TBX15: variants seen among roughly 807,000 people sequenced by gnomAD.
The protein encoded by TBX15 is T-box transcription factor 15, also known as T-box transcription factor TBX15.
TBX15 carries 18 observed loss-of-function variants against 53.9 expected under a neutral mutation model. That is an observed-to-expected ratio of 0.33 (90% CI 0.23 to 0.49). The LOEUF (loss-of-function observed/expected upper bound fraction) is 0.49, where lower values mean the gene tolerates loss of function less well. Among genes scored for constraint, TBX15 ranks in the 20% least tolerant of loss-of-function variants. The probability of loss-of-function intolerance (pLI) is 0.98; values close to 1 mark genes in which losing one functional copy is unlikely to be tolerated. For missense variants in TBX15, 692 were observed against 749.5 expected (o/e 0.92, Z 0.90); for synonymous variants, 295 against 278.0 (o/e 1.06, Z -0.61).
intron 1 of TBX15, among the ~76,000 whole-genome samples, chr1:118,959,285 T>G (rs1053041137): frequency 3.3e-5 from 5 of 152,164 alleles, no homozygotes; most frequent in Admixed American, 2.0e-4. Context: ...CAGAAAGCCT[T>G]CAGGCGAATA....
chr1:118,909,998 C>G (rs1023303757), intron 6 of TBX15, among the ~76,000 whole-genome samples: 1 of 152,168 alleles, frequency 6.6e-6, no homozygotes, highest in Non-Finnish European at 1.5e-5. Context: ...GGGCTACACT[C>G]GGATGGTTCT....
At chr1:118,958,833 G>A (rs1349039615) in intron 1 of TBX15, among the ~76,000 whole-genome samples, 1 of 152,068 alleles carries the variant, frequency 6.6e-6, no homozygotes. Context: ...TTCAAAAGAA[G>A]AAAAATATTA....
intron 5 of TBX15, among the ~76,000 whole-genome samples, chr1:118,920,845 G>A (rs1032578091): frequency 6.6e-6 from 1 of 152,180 alleles, no homozygotes; most frequent in African/African-American, 2.4e-5. Context: ...ACTGGATGTT[G>A]TGACAACCAG....
rs1453353385 is a variant in TBX15 at position 118,926,619 on chromosome 1, G to C, written c.420-8C>G. 2 of 1,610,860 alleles carry C rather than the reference G, an allele frequency of 1.2e-6. No individual in the cohort carries two copies. Among genetic ancestry groups the C allele is most frequent in the East Asian group, 4.5e-5 (2 of 44,844 alleles). ...ATGGCAGGAAACATCCTCCTATGAA[G>C]ATGAATAAAACAGAAAGCTCAGAAA... On this transcript the variant is annotated splice_region_variant and splice_polypyrimidine_tract_variant and intron_variant, in intron 2 of 7. Coordinates refer to ENST00000369429, the MANE Select transcript of TBX15 (RefSeq NM_001330677.2).
chr1:118,884,889 G>T lies in TBX15; in HGVS notation c.1652C>A (p.Ala551Asp). 1 of 1,614,190 alleles carries T rather than the reference G, an allele frequency of 6.2e-7. No homozygotes were observed. Among genetic ancestry groups the T allele is most frequent in the Non-Finnish European group, 8.5e-7 (1 of 1,180,032 alleles). ...CGGCAGGTACTGCCTCTCTCCAAAG[G>T]CCCCGTTGGAAGGAGAAGAACAGAG... ...TLLCSSPSNG[A>D]FGERQYLPSG... The change falls in exon 8 of 8, where the codon GCC becomes GAC. Residue 551 changes from alanine to aspartate, a missense_variant. Physicochemically the swap from Ala to Asp is moderately radical, Grantham distance 126. Around this residue, in one of 3 missense-constraint regions of TBX15, gnomAD observed 375 missense variants for 371.6 expected, o/e 1.01. Transcript: ENST00000369429.
chr1:118,954,271 T>G (rs1383919386), intron 1 of TBX15, among the ~76,000 whole-genome samples: 1 of 152,220 alleles, frequency 6.6e-6, no homozygotes, highest in African/African-American at 2.4e-5. Flanking sequence ...ATCACAGCCC[T>G]GGACCAGAGG....
At chr1:118,966,617 T>TGAGGAAAG in intron 1 of TBX15, among the ~76,000 whole-genome samples, 1 of 152,268 alleles carries the variant, frequency 6.6e-6, no homozygotes, top group East Asian at 1.9e-4. Context: ...GAGAGTATAC[T>TGAGGAAAG]GAGGAAAGGA....
Position 118,987,868 on chromosome 1 carries a change from C to G in TBX15, c.-73G>C. 2 of 1,525,176 alleles carry G rather than the reference C, an allele frequency of 1.3e-6. No homozygotes were observed. Among genetic ancestry groups the G allele is most frequent in the South Asian group, 2.4e-5 (2 of 82,826 alleles). The allele number at this position is 1,525,176 out of a possible 1,614,324, so 94.5% of individuals were successfully genotyped here. On this transcript the variant is annotated 5_prime_UTR_variant, in exon 1 of 8. Coordinates refer to ENST00000369429, the MANE Select transcript of TBX15 (RefSeq NM_001330677.2). ...GCAGCCGGCGCCCTCAAGCTCTGAG[C>G]GCCCACCGGGCCCGGCCCGGGAGAG...
At chr1:118,947,763 G>T (rs896939137) in intron 1 of TBX15, among the ~76,000 whole-genome samples, 1 of 152,126 alleles carries the variant, frequency 6.6e-6, no homozygotes, top group African/African-American at 2.4e-5. Flanking sequence ...ACTGAGACTC[G>T]GTGAAGCAAA....
intron 1 of TBX15, among the ~76,000 whole-genome samples, chr1:118,954,260 T>C (rs1447140563): frequency 6.6e-6 from 1 of 152,192 alleles, no homozygotes; most frequent in Non-Finnish European, 1.5e-5. Flanking sequence ...GTGGGTGGCA[T>C]ATCACAGCCC....
At position 118,911,826 on chromosome 1, in the gene TBX15, G is replaced by A. The variant is rs117024984; in HGVS notation, c.926+2289C>T. Among the ~76,000 whole-genome samples the A allele has an allele frequency of 2.3e-3, 348 of 152,320 alleles. 4 individuals are homozygous for A. Among genetic ancestry groups the A allele is most frequent in the East Asian group, 3.9e-3 (20 of 5,186 alleles). On this transcript the variant is annotated intron_variant, in intron 6 of 7. Transcript: ENST00000369429. ...GCACTTGCTGTTTCTACTGCCCAGAGTGCATAGTTGGTAGCTTCTTTTGCA... is the reference window on the plus strand; with the variant it reads ...GCACTTGCTGTTTCTACTGCCCAGAATGCATAGTTGGTAGCTTCTTTTGCA...
chr1:118,896,607 G>A (rs959146046), intron 7 of TBX15, among the ~76,000 whole-genome samples: 4 of 152,120 alleles, frequency 2.6e-5, no homozygotes, highest in Non-Finnish European at 5.9e-5. Flanking sequence ...ACCAATCTTA[G>A]GTTTGGTGCA....
chr1:118,928,445 A>G (rs935052705), intron 2 of TBX15, among the ~76,000 whole-genome samples: 1 of 152,222 alleles, frequency 6.6e-6, no homozygotes, highest in African/African-American at 2.4e-5. Flanking sequence ...GACTAAATCT[A>G]ACATTCACTA....
chr1:118,923,454 C>T lies in TBX15; in HGVS notation c.843G>A (p.Thr281=), dbSNP rs1314050363. 11 of 1,613,828 alleles carry T rather than the reference C, an allele frequency of 6.8e-6. No homozygotes were observed. The highest frequency in any genetic ancestry group is 2.7e-5 in the African/African-American group (2 of 75,022). ...NFPETVFTTV[T]AYQNQQITRL... ...CTCTTACCTGCTGATTCTGATAGGC[C>T]GTAACTGTGGTGAACACAGTCTCAG... Residue 281 remains threonine (T), a synonymous_variant, in exon 5 of 8, where the codon ACG becomes ACA. Coordinates refer to ENST00000369429, the MANE Select transcript of TBX15 (RefSeq NM_001330677.2).
rs887632860 is a variant in TBX15 at position 118,987,952 on chromosome 1, T to C, written c.-157A>G. 1.2e-6 allele frequency: 1 copy of C among 859,858 alleles called. No homozygotes were observed. The highest frequency in any genetic ancestry group is 2.6e-5 in the Admixed American group (1 of 38,116). The allele number at this position is 859,858 out of a possible 1,614,324, so 53.3% of individuals were successfully genotyped here. ...CTCGCGGGTCTCTCCACCCTCCCCC[T>C]GCGTCCTCCTCCGCCCTCCTCTGCC... On this transcript the variant is annotated 5_prime_UTR_variant, in exon 1 of 8. Coordinates refer to ENST00000369429, the MANE Select transcript of TBX15 (RefSeq NM_001330677.2).
At chr1:118,943,812 A>T (rs1269583862) in intron 1 of TBX15, among the ~76,000 whole-genome samples, 1 of 152,150 alleles carries the variant, frequency 6.6e-6, no homozygotes, top group Non-Finnish European at 1.5e-5. Flanking sequence ...TACCTAGGTG[A>T]GGCTCCCAGG....
intron 1 of TBX15, among the ~76,000 whole-genome samples, chr1:118,968,734 T>A (rs1035503944): frequency 3.9e-5 from 6 of 152,242 alleles, no homozygotes; most frequent in Admixed American, 1.3e-4. Context: ...AAGAGGGTGT[T>A]GGTGCCCCAC....
At chr1:118,887,296 G>A (rs142697678) in intron 7 of TBX15, among the ~76,000 whole-genome samples, 82 of 152,282 alleles carry the variant, frequency 5.4e-4, no homozygotes, top group African/African-American at 1.9e-3. Context: ...GGGACTCTTA[G>A]AAGCTGAGCA....
At chr1:118,918,878 GC>G (rs1449920548) in intron 5 of TBX15, among the ~76,000 whole-genome samples, 3 of 152,244 alleles carry the variant, frequency 2.0e-5, no homozygotes, top group Non-Finnish European at 4.4e-5. Flanking sequence ...GGCTGAAGGG[GC>G]CTTCTCTTAT....
Sources: allele counts gnomAD v4.1 joint callset (sites outside exome capture counted in the v4.1 genomes callset), GRCh38; gene constraint gnomAD v4.1.1; regional missense constraint gnomAD v4.1.1; transcripts MANE v1.5; gene names NCBI Gene and HGNC (gene_info 2026-07-23, HGNC 2026-07-21).